The following CCDC122 variants were observed in gnomAD, a reference collection of about 807,000 sequenced individuals.
CCDC122 encodes coiled-coil domain-containing protein 122.
CCDC122 carries 38 observed loss-of-function variants against 37.0 expected under a neutral mutation model. The observed-to-expected ratio is 1.03, with a 90% CI of 0.79 to 1.35. The LOEUF is 1.35. CCDC122 is among the 40% of genes most tolerant of loss of function. The pLI is 0.00. For missense variants in CCDC122, 305 were observed against 310.0 expected (o/e 0.98, Z 0.12); for synonymous variants, 83 against 95.6 (o/e 0.87, Z 0.77).
At chr13:43,848,488 T>C (rs767863206) in intron 6 of CCDC122, among the ~76,000 whole-genome samples, 2 of 152,196 alleles carry the variant, frequency 1.3e-5, no homozygotes, top group Non-Finnish European at 2.9e-5. Context: ...AAGCTTTGTG[T>C]TTGCCTGCCT....
chr13:43,850,553 C>T (rs1337608958), intron 6 of CCDC122, among the ~76,000 whole-genome samples: 1 of 151,960 alleles, frequency 6.6e-6, no homozygotes, highest in Non-Finnish European at 1.5e-5. Context: ...CAGTGGAATT[C>T]AAGAGTGGAT....
At chr13:43,864,821 T>C (rs7989353) in intron 4 of CCDC122, among the ~76,000 whole-genome samples, 77,089 of 151,838 alleles carry the variant, frequency 0.51, 20,012 homozygotes, top group African/African-American at 0.6. Flanking sequence ...TTGGTGGGTC[T>C]CTACATAGTT....
chr13:43,859,678 T>C lies in CCDC122; in HGVS notation c.549A>G (p.Gln183=), dbSNP rs896748985. 4 of 1,537,488 alleles carry C rather than the reference T, an allele frequency of 2.6e-6. 1 individual carries two copies. The South Asian group carries it at 5.2e-5, about 20-fold the overall frequency. Residue 183 remains glutamine (Q), a synonymous_variant, in exon 5 of 7, where the codon CAA becomes CAG. Coordinates refer to ENST00000444614, the MANE Select transcript of CCDC122 (RefSeq NM_144974.5). ...LQNPGGNRIT[Q]VQEDITNLKD... ...ACTAAGTAATTTTGCACACCTGTAC[T>C]TGTGTTATTCGGTTCCCTCCTGGAT... is the stretch of plus-strand genomic sequence containing the variant.
rs910275757 is a variant in CCDC122, at chr13:43,836,777, G to C, written c.*503C>G. ...AGGCAGGAGAATGGCGTGAACCCAG[G>C]AAGCGGAGCTTGCAGTGAGCCGAGA... is the stretch of plus-strand genomic sequence containing the variant. On this transcript the variant is annotated 3_prime_UTR_variant, in exon 7 of 7. Coordinates refer to ENST00000444614, the MANE Select transcript of CCDC122 (RefSeq NM_144974.5). 2.8e-5 allele frequency: 4 copies of C among 141,586 alleles called. No homozygotes were observed. Among genetic ancestry groups the C allele is most frequent in the African/African-American group, 1.0e-4 (4 of 38,474 alleles). The allele number at this position is 141,586 out of a possible 1,614,324, so 8.8% of individuals were successfully genotyped here. A position where few individuals can be genotyped will look rare whatever the true frequency, so the allele number is the denominator to read the frequency against.
In CCDC122 at chr13:43,859,725, C is replaced by G; in HGVS notation, c.502G>C (p.Glu168Gln). The G allele has an allele frequency of 1.3e-6, 2 of 1,587,642 alleles. No homozygotes were observed. Among genetic ancestry groups the G allele is most frequent in the South Asian group, 1.2e-5 (1 of 84,932 alleles). Residue 168 changes from glutamate to glutamine, a missense_variant, in exon 5 of 7, where the codon GAA becomes CAA. Physicochemically the swap from Glu to Gln is conservative, Grantham distance 29. Transcript: ENST00000444614. Reference sequence around the variant, plus strand: ...GGATTTTGAAGATCTTGCATAAGTTCTTCTTTCATTGTCTTTAATTTTTTA... The same window carrying G: ...GGATTTTGAAGATCTTGCATAAGTTGTTCTTTCATTGTCTTTAATTTTTTA... ...FVKKLKTMKE[E>Q]LMQDLQNPGG...
downstream of CCDC122, among the ~76,000 whole-genome samples, chr13:43,823,756 C>T (rs1473397231): frequency 6.6e-6 from 1 of 152,250 alleles, no homozygotes; most frequent in Non-Finnish European, 1.5e-5. Context: ...TAAAGTCCCC[C>T]AGTTGTCCCT....
At chr13:43,839,108 GA>G (rs1376822504) in intron 6 of CCDC122, among the ~76,000 whole-genome samples, 2 of 152,080 alleles carry the variant, frequency 1.3e-5, no homozygotes, top group Non-Finnish European at 2.9e-5. Flanking sequence ...GGCGGGTATG[GA>G]AAAAATGTAT....
In CCDC122 at chr13:43,860,944, C is replaced by G. The variant is rs899153284; in HGVS notation, c.157-874G>C. On this transcript the variant is annotated intron_variant, in intron 4 of 6. Transcript: ENST00000444614. ...TGTATCAATTATCTGTTGCCAGAATCACAAAACCTCAGTAGCATACAACAA... is the reference window on the plus strand; with the variant it reads ...TGTATCAATTATCTGTTGCCAGAATGACAAAACCTCAGTAGCATACAACAA... Among the ~76,000 whole-genome samples the G allele has an allele frequency of 2.0e-5, 3 of 152,304 alleles. No individual in the cohort carries two copies. The East Asian group carries it at 5.8e-4, about 29-fold the overall frequency.
rs1354585588 is a variant in CCDC122, at chr13:43,859,685, A to G, written c.542T>C (p.Ile181Thr). 6.4e-7 allele frequency: 1 copy of G among 1,552,146 alleles called. No homozygotes were observed. Among genetic ancestry groups the G allele is most frequent in the South Asian group, 1.3e-5 (1 of 79,316 alleles). The stretch of plus-strand genomic sequence containing the variant: ...AATTTTGCACACCTGTACTTGTGTT[A>G]TTCGGTTCCCTCCTGGATTTTGAAG... ...QDLQNPGGNR[I>T]TQVQEDITNL... Residue 181 changes from isoleucine to threonine, a missense_variant, in exon 5 of 7, where the codon ATA becomes ACA. By Grantham distance (89) the Ile-to-Thr change is moderately conservative. Transcript: ENST00000444614.
rs11420172 is a variant in CCDC122, at chr13:43,836,856, CA to C, written c.*423del. ...TGGGCGACAGAGCGAGACTCCGTCTCAAAAAAAAAAAAAAAAAAAAAGTTCG... is the reference window on the plus strand; with the variant it reads ...TGGGCGACAGAGCGAGACTCCGTCTCAAAAAAAAAAAAAAAAAAAAGTTCG... On this transcript the variant is annotated 3_prime_UTR_variant, in exon 7 of 7. Coordinates refer to ENST00000444614, the MANE Select transcript of CCDC122 (RefSeq NM_144974.5). The C allele has an allele frequency of 4.6e-4, 38 of 82,128 alleles. No individual in the cohort carries two copies. The highest frequency in any genetic ancestry group is 1.4e-3 in the African/African-American group (25 of 18,418). 5.1% of individuals were successfully genotyped at this position (82,128 alleles called of 1,614,324 possible).
At chr13:43,840,143 A>G (rs750224174) in intron 6 of CCDC122, among the ~76,000 whole-genome samples, 1 of 152,124 alleles carries the variant, frequency 6.6e-6, no homozygotes, top group Non-Finnish European at 1.5e-5. Context: ...CTACCTATTG[A>G]GTTAGGTTGC....
intron 2 of CCDC122, among the ~76,000 whole-genome samples, chr13:43,873,843 T>C (rs767988818): frequency 2.0e-5 from 3 of 152,172 alleles, no homozygotes; most frequent in Admixed American, 6.5e-5. Flanking sequence ...CGACATCTCA[T>C]ACACGTCTTT....
chr13:43,844,896 C>T (rs529404847), intron 6 of CCDC122, among the ~76,000 whole-genome samples: 1 of 152,132 alleles, frequency 6.6e-6, no homozygotes, highest in South Asian at 2.1e-4. Flanking sequence ...ATGCTTGCCA[C>T]TTGATTTATT....
chr13:43,824,726 A>T (rs1953023607), intron 3 of CCDC122, among the ~76,000 whole-genome samples: 1 of 152,238 alleles, frequency 6.6e-6, no homozygotes, highest in African/African-American at 2.4e-5. Context: ...CCCCATTAAA[A>T]AGTGGGCAAA....
At chr13:43,840,645 T>C (rs953404760) in intron 6 of CCDC122, among the ~76,000 whole-genome samples, 1 of 152,116 alleles carries the variant, frequency 6.6e-6, no homozygotes, top group Non-Finnish European at 1.5e-5. Flanking sequence ...TTTGGTTTTT[T>C]GTCTTGCAAC....
At chr13:43,869,135 T>C (rs1186858771) in intron 3 of CCDC122, among the ~76,000 whole-genome samples, 196 bp downstream of exon 3, 1 of 152,046 alleles carries the variant, frequency 6.6e-6, no homozygotes, top group Non-Finnish European at 1.5e-5. Flanking sequence ...CAATTAGAGT[T>C]GATGCATTTT....
intron 6 of CCDC122, among the ~76,000 whole-genome samples, chr13:43,851,831 G>A (rs1566945918): frequency 6.6e-6 from 1 of 152,098 alleles, no homozygotes; most frequent in Non-Finnish European, 1.5e-5. Context: ...CAGAGTTACA[G>A]CACACAGTCC....
At chr13:43,823,292 C>T (rs1340613492), downstream of CCDC122, among the ~76,000 whole-genome samples, 2 of 152,136 alleles carry the variant, frequency 1.3e-5, no homozygotes, top group Non-Finnish European at 2.9e-5. Flanking sequence ...TCCTGTCTCA[C>T]TGTGGCTGGG....
chr13:43,827,605 T>G (rs925661042), intron 3 of CCDC122, among the ~76,000 whole-genome samples: 1 of 152,162 alleles, frequency 6.6e-6, no homozygotes, highest in Non-Finnish European at 1.5e-5. Context: ...TATACGGGAT[T>G]CCTTTTCATC....
Sources: allele counts gnomAD v4.1 joint callset (sites outside exome capture counted in the v4.1 genomes callset), GRCh38; gene constraint gnomAD v4.1.1; transcripts MANE v1.5; gene names NCBI Gene and HGNC (gene_info 2026-07-23, HGNC 2026-07-21).